RFLNA: variants seen among roughly 807,000 people sequenced by gnomAD.
RFLNA encodes the protein refilin-A.
RFLNA carries 5 observed loss-of-function variants against 7.8 expected under a neutral mutation model. The observed-to-expected ratio is 0.64, with a 90% CI of 0.34 to 1.35. The LOEUF (loss-of-function observed/expected upper bound fraction) is 1.35. Among genes scored for constraint, RFLNA ranks in the 40% most tolerant of loss-of-function variants. The pLI, the probability that RFLNA is intolerant of heterozygous loss-of-function variation, is 0.04. For missense variants in RFLNA, 278 were observed against 305.5 expected, an observed-to-expected ratio of 0.91 and a Z score of 0.67; for synonymous variants, 141 against 131.3, an observed-to-expected ratio of 1.07 and a Z score of -0.50.
intron 1 of RFLNA, among the ~76,000 whole-genome samples, chr12:124,300,741 TGGATGG>T (rs2034016232): frequency 4.4e-5 from 1 of 22,842 alleles, no homozygotes; most frequent in Non-Finnish European, 2.7e-4. Flanking sequence ...CATGGATGGA[TGGATGG>T]ATGGATGGAT....
chr12:124,301,324 T>C (rs1450433854), intron 1 of RFLNA, among the ~76,000 whole-genome samples: 2 of 152,188 alleles, frequency 1.3e-5, no homozygotes, highest in Non-Finnish European at 2.9e-5. Flanking sequence ...CTCAGCTATA[T>C]CTGCAGCTTT....
chr12:124,311,959 AGGGGGTG>A, intron 2 of RFLNA, 32 bp downstream of exon 2: 14 of 239,686 alleles, frequency 5.8e-5, no homozygotes, highest in Non-Finnish European at 1.0e-4. Context: ...GCGCGGGAGG[AGGGGGTG>A]GGGGGTTGGG....
chr12:124,308,259 G>C (rs2034172740), intron 1 of RFLNA, among the ~76,000 whole-genome samples: 1 of 152,238 alleles, frequency 6.6e-6, no homozygotes, highest in South Asian at 2.1e-4. Flanking sequence ...TAGGATTACA[G>C]GCGTCAGCCA....
rs2033887846 is a variant in RFLNA, at chr12:124,295,358, T to TGCCCCGG, written c.-64_-58dup. 2 of 956,908 alleles carry TGCCCCGG rather than the reference T, an allele frequency of 2.1e-6. No individual in the cohort carries two copies. The highest frequency in any genetic ancestry group is 1.0e-4 in the South Asian group (2 of 19,294). The allele number at this position is 956,908 out of a possible 1,614,324, so 59.3% of individuals were successfully genotyped here. On this transcript the variant is annotated 5_prime_UTR_variant, in exon 1 of 3. Transcript: ENST00000546355. ...GCGCAGCTCTCGCCCCGCCGCCGCC[T>TGCCCCGG]GCCCCGGGCCCCGGAGCGCGGTGGA...
intron 1 of RFLNA, among the ~76,000 whole-genome samples, chr12:124,300,754 GGATGGATGGATGGATGGATT>G (rs2034017042): frequency 2.1e-5 from 3 of 140,502 alleles, no homozygotes; most frequent in African/African-American, 8.2e-5. Context: ...ATGGATGGAT[GGATGGATGGATGGATGGATT>G]GACGGATGGA....
upstream of RFLNA, among the ~76,000 whole-genome samples, chr12:124,292,932 A>G (rs984511589): frequency 2.0e-5 from 3 of 152,218 alleles, no homozygotes; most frequent in African/African-American, 7.2e-5. Context: ...TCAACATTTT[A>G]TCTTATTTTG....
Position 124,289,833 on chromosome 12 carries a change from C to T in RFLNA, c.-37+463C>T, listed in dbSNP as rs1032982817. Among the ~76,000 whole-genome samples, 3 of 152,178 alleles carry T rather than the reference C, an allele frequency of 2.0e-5. No individual in the cohort carries two copies. The highest frequency in any genetic ancestry group is 1.9e-4 in the East Asian group (1 of 5,194). On this transcript the variant is annotated intron_variant, in intron 1 of 2. Coordinates refer to the RFLNA transcript ENST00000324038. This position sits in a 1 kb window ranked among gnomAD's most constrained non-coding sequence, Gnocchi z 5.0. ...GGCCACCGGGGAACATGCGACTCCCCGGGGCAGGGAGGCATCCCTGGGCCA... is the reference window on the plus strand; with the variant it reads ...GGCCACCGGGGAACATGCGACTCCCTGGGGCAGGGAGGCATCCCTGGGCCA...
chr12:124,314,346 C>A lies in RFLNA; in HGVS notation c.472C>A (p.Arg158Ser), dbSNP rs201110404. ...NYRSQLTLEP[R>S]PRALRFRSTT... ...CCGCAGCCAGCTGACCCTGGAGCCA[C>A]GCCCGCGCGCCCTGCGCTTCCGCAG... The change falls in exon 3 of 3, where the codon CGC becomes AGC. Residue 158 changes from arginine (R) to serine (S), a missense_variant. By Grantham distance (110) the Arg-to-Ser change is moderately radical (BLOSUM62 -1). Transcript: ENST00000546355. The A allele has an allele frequency of 1.2e-6, 2 of 1,613,398 alleles. No homozygotes were observed. The highest frequency in any genetic ancestry group is 2.2e-5 in the East Asian group (1 of 44,882).
In RFLNA at chr12:124,295,489, G is replaced by A. The variant is rs1376214545; in HGVS notation, c.60G>A (p.Glu20=). The change falls in exon 1 of 3, where the codon GAG becomes GAA. Residue 20 remains glutamate (E), a synonymous_variant. Coordinates refer to ENST00000546355, the MANE Select transcript of RFLNA (RefSeq NM_001365156.1). ...ACAGCCTGAAGGAGCAGGGCCGGGA[G>A]GGCTTGCTGGACAGCCCCGACTCCG... ...MEDSLKEQGR[E]GLLDSPDSGL... is the part of the protein sequence containing the mutation. 4.7e-6 allele frequency: 6 copies of A among 1,269,534 alleles called. No individual in the cohort carries two copies. In the Admixed American group the frequency reaches 2.5e-4, roughly 52 times the overall value. 78.6% of individuals were successfully genotyped at this position (1,269,534 alleles called of 1,614,324 possible).
rs547609972 is a variant in RFLNA, at chr12:124,306,900, C to T, written c.208-4918C>T. Among the ~76,000 whole-genome samples, 1 of 152,272 alleles carries T rather than the reference C, an allele frequency of 6.6e-6. No individual in the cohort carries two copies. Among genetic ancestry groups the T allele is most frequent in the East Asian group, 1.9e-4 (1 of 5,166 alleles). On this transcript the variant is annotated intron_variant, in intron 1 of 2. Coordinates refer to ENST00000546355, the MANE Select transcript of RFLNA (RefSeq NM_001365156.1). The surrounding 1 kb of genome is among the most constrained non-coding windows in gnomAD (Gnocchi z 5.2). ...CGCCCAGCCCGATGTCCACCCTCCACTCCCTCTGCCCGAGGCCGGTGTGCA... is the reference window on the plus strand; with the variant it reads ...CGCCCAGCCCGATGTCCACCCTCCATTCCCTCTGCCCGAGGCCGGTGTGCA...
intron 1 of RFLNA, among the ~76,000 whole-genome samples, chr12:124,301,496 C>T (rs971167362): frequency 9.9e-5 from 15 of 152,208 alleles, no homozygotes; most frequent in African/African-American, 2.9e-4. Context: ...CTCCAGTGCT[C>T]GGCCTCCCTG....
At chr12:124,313,547 C>T (rs145561975) in intron 2 of RFLNA, among the ~76,000 whole-genome samples, 4,310 of 152,026 alleles carry the variant, frequency 0.028, 115 homozygotes, top group African/African-American at 0.064. Flanking sequence ...GGCATGGTGG[C>T]GGGCGCCTGT....
At chr12:124,293,489 C>T (rs548479401), upstream of RFLNA, among the ~76,000 whole-genome samples, 2 of 152,156 alleles carry the variant, frequency 1.3e-5, no homozygotes, top group Non-Finnish European at 2.9e-5. Context: ...CGCTTTCGTC[C>T]TAGTCAGTGA....
chr12:124,310,136 G>A (rs921242086), intron 1 of RFLNA, among the ~76,000 whole-genome samples: 12 of 117,780 alleles, frequency 1.0e-4, no homozygotes, highest in East Asian at 2.8e-4. Context: ...TTGCACTACC[G>A]TACTCTAGCC....
At chr12:124,313,571 C>A (rs1455572465) in intron 2 of RFLNA, among the ~76,000 whole-genome samples, 5 of 151,704 alleles carry the variant, frequency 3.3e-5, no homozygotes, top group Admixed American at 1.3e-4. Context: ...CCCAGCTACT[C>A]GGGAGGCTGA....
At chr12:124,297,108 G>A (rs977412199) in intron 1 of RFLNA, among the ~76,000 whole-genome samples, 1 of 152,120 alleles carries the variant, frequency 6.6e-6, no homozygotes, top group Admixed American at 6.5e-5. Flanking sequence ...CTGAATCCCC[G>A]TGGTGCCTTG....
At chr12:124,307,670 G>T (rs1351817045) in intron 1 of RFLNA, among the ~76,000 whole-genome samples, 3 of 152,216 alleles carry the variant, frequency 2.0e-5, no homozygotes, top group African/African-American at 7.2e-5. Context: ...TTCACGGAGG[G>T]CTGGGCGGCG....
intron 1 of RFLNA, among the ~76,000 whole-genome samples, chr12:124,305,391 C>T (rs1370358688): frequency 5.3e-5 from 8 of 152,194 alleles, no homozygotes; most frequent in Admixed American, 2.0e-4. Context: ...GGCCCAGAGA[C>T]GGGAAGTCAT....
Position 124,289,202 on chromosome 12 carries a change from T to C in RFLNA, c.-205T>C, listed in dbSNP as rs1203519789. On this transcript the variant is annotated 5_prime_UTR_variant, in exon 1 of 3. Transcript: ENST00000324038. This position sits in a 1 kb window ranked among gnomAD's most constrained non-coding sequence, Gnocchi z 5.0. ...GATTTTATCCCTGCCCTGGCTTAAT[T>C]AAGTGCTCTGAAGACATAAATAGGT... The C allele has an allele frequency of 6.6e-6, 1 of 152,164 alleles. No individual in the cohort carries two copies. The highest frequency in any genetic ancestry group is 2.4e-5 in the African/African-American group (1 of 41,432). 9.4% of individuals were successfully genotyped at this position (152,164 alleles called of 1,614,324 possible). A position where few individuals can be genotyped will look rare whatever the true frequency, so the allele number is the denominator to read the frequency against.
Sources: allele counts gnomAD v4.1 joint callset (sites outside exome capture counted in the v4.1 genomes callset), GRCh38; gene constraint gnomAD v4.1.1; non-coding constraint Gnocchi (gnomAD v3.1); transcripts MANE v1.5; gene names NCBI Gene and HGNC (gene_info 2026-07-23, HGNC 2026-07-21).